Variants in MAP2K4 observed in about 807,000 individuals in gnomAD.
MAP2K4 encodes the protein dual specificity mitogen-activated protein kinase kinase 4.
A neutral mutation model predicts 48.5 loss-of-function variants in MAP2K4; 4 were observed. The observed-to-expected ratio is 0.08, with a 90% CI of 0.04 to 0.19. The LOEUF is 0.19. MAP2K4 is among the 10% of genes least tolerant of loss of function. The probability of loss-of-function intolerance (pLI) is 1.00; values close to 1 mark genes in which losing one functional copy is unlikely to be tolerated. For missense variants in MAP2K4, 258 were observed against 493.3 expected (o/e 0.52, Z 4.52); for synonymous variants, 166 against 173.1 (o/e 0.96, Z 0.32).
chr17:12,044,262 G>A (rs1969888251), intron 1 of MAP2K4, among the ~76,000 whole-genome samples: 1 of 152,156 alleles, frequency 6.6e-6, no homozygotes, highest in Admixed American at 6.5e-5. Flanking sequence ...TCCCATAATG[G>A]GTTGTCTACT....
At chr17:12,069,898 T>C in intron 2 of MAP2K4, 1 of 3,780 alleles carries the variant, frequency 2.6e-4, no homozygotes, top group Non-Finnish European at 4.2e-4. Flanking sequence ...GTCATATATA[T>C]ATATATATAT....
chr17:12,105,876 CT>C (rs1972093488), intron 4 of MAP2K4, among the ~76,000 whole-genome samples: 1 of 152,076 alleles, frequency 6.6e-6, no homozygotes. Context: ...CCATCTTTCT[CT>C]TTTATTTGCC....
chr17:12,113,403 CAG>C, intron 7 of MAP2K4, 43 bp downstream of exon 7: 1 of 1,600,954 alleles, frequency 6.2e-7, no homozygotes, highest in Non-Finnish European at 8.5e-7. Context: ...AGTCATTGCA[CAG>C]AGAGCCTGTG....
chr17:12,137,051 G>A (rs1048982987), intron 9 of MAP2K4, among the ~76,000 whole-genome samples: 4 of 152,176 alleles, frequency 2.6e-5, no homozygotes, highest in Non-Finnish European at 5.9e-5. Flanking sequence ...CAACATAGGA[G>A]TGGAACTTGA....
chr17:12,125,155 A>G (rs560859608), intron 7 of MAP2K4, 139 bp from the exon 8 acceptor site: 4 of 656,074 alleles, frequency 6.1e-6, no homozygotes, highest in East Asian at 2.6e-5. Flanking sequence ...ATGACTTCCT[A>G]TTACTTCCAT....
chr17:12,073,666 C>T (rs1467445467), intron 2 of MAP2K4, among the ~76,000 whole-genome samples: 4 of 151,908 alleles, frequency 2.6e-5, no homozygotes, highest in African/African-American at 9.7e-5. Context: ...ATATTTAAAG[C>T]GTATAATTTG....
rs28923183 is a variant in MAP2K4, at chr17:12,082,226, G to A, written c.393+696G>A. On this transcript the variant is annotated intron_variant, in intron 3 of 10. Coordinates refer to ENST00000353533, the MANE Select transcript of MAP2K4 (RefSeq NM_003010.4). ...ATGCTGGTACCTGTAAAGAACTGGT[G>A]GTTTCCATCTGACTCCTAGTTTCAT... Among the ~76,000 whole-genome samples, 861 of 151,792 alleles carry A rather than the reference G, an allele frequency of 5.7e-3. 10 individuals carry two copies. Among genetic ancestry groups the A allele is most frequent in the African/African-American group, 0.02 (818 of 41,386 alleles).
At chr17:12,073,119 T>A (rs1025282890) in intron 2 of MAP2K4, among the ~76,000 whole-genome samples, 5 of 152,178 alleles carry the variant, frequency 3.3e-5, no homozygotes, top group East Asian at 1.9e-4. Context: ...CCCTATAGGA[T>A]CTGATAATGG....
At chr17:12,089,601 T>G (rs1162992494) in intron 3 of MAP2K4, among the ~76,000 whole-genome samples, 3 of 152,242 alleles carry the variant, frequency 2.0e-5, no homozygotes, top group South Asian at 2.1e-4. Context: ...CTCTACCTAT[T>G]CCTAACTTCT....
intron 2 of MAP2K4, among the ~76,000 whole-genome samples, chr17:12,072,085 A>G (rs575798170): frequency 2.6e-5 from 4 of 152,346 alleles, no homozygotes; most frequent in African/African-American, 7.2e-5. Flanking sequence ...TATATTGCCT[A>G]TATTCTCACC....
intron 1 of MAP2K4, chr17:12,036,719 T>C (rs867105184): frequency 2.7e-5 from 4 of 148,896 alleles, no homozygotes; most frequent in African/African-American, 9.8e-5. Flanking sequence ...TTTTTTTTTT[T>C]CAGATGAGAA....
intron 2 of MAP2K4, among the ~76,000 whole-genome samples, chr17:12,076,922 G>GT (rs1272204603): frequency 1.3e-5 from 2 of 151,988 alleles, no homozygotes; most frequent in Non-Finnish European, 2.9e-5. Context: ...TTATTCATGT[G>GT]TTTTTTGCAG....
At chr17:12,113,119 A>T (rs1972361960) in intron 6 of MAP2K4, 114 bp from the exon 7 acceptor site, 2 of 788,594 alleles carry the variant, frequency 2.5e-6, no homozygotes, top group Non-Finnish European at 2.0e-6. Context: ...ATCTGAATTT[A>T]AGGACTTGAC....
intron 4 of MAP2K4, among the ~76,000 whole-genome samples, chr17:12,101,374 C>T (rs1021914582): frequency 1.7e-4 from 26 of 151,960 alleles, no homozygotes; most frequent in African/African-American, 5.8e-4. Flanking sequence ...TCTGTCTTTG[C>T]ACTGATCTCA....
chr17:12,115,810 T>C (rs1972471737), intron 7 of MAP2K4: 5 of 728,352 alleles, frequency 6.9e-6, no homozygotes, highest in Middle Eastern at 7.0e-4. Flanking sequence ...GGGACAGCTC[T>C]GCTGACAGGA....
At position 12,021,198 on chromosome 17, in the gene MAP2K4, T is replaced by C. The variant is rs1167611832; in HGVS notation, c.115+197T>C. On this transcript the variant is annotated intron_variant, in intron 1 of 10. Coordinates refer to ENST00000353533, the MANE Select transcript of MAP2K4 (RefSeq NM_003010.4). ...GCTTGGATCCGGGCTCCGGCCCGCA[T>C]AGGCCCCGGCCGCGGCCTCTGCCTG... 12 of 332,952 alleles carry C rather than the reference T, an allele frequency of 3.6e-5. No individual in the cohort carries two copies. The South Asian group carries it at 1.9e-3, about 51-fold the overall frequency. The allele number at this position is 332,952 out of a possible 1,614,324, so 20.6% of individuals were successfully genotyped here. A position where few individuals can be genotyped will look rare whatever the true frequency, so the allele number is the denominator to read the frequency against.
chr17:12,091,670 G>A (rs1487713931), intron 3 of MAP2K4, among the ~76,000 whole-genome samples: 1 of 152,072 alleles, frequency 6.6e-6, no homozygotes, highest in African/African-American at 2.4e-5. Flanking sequence ...CTCAATTGGA[G>A]TGATGTTGGC....
intron 7 of MAP2K4, chr17:12,124,950 C>T (rs1326852924): frequency 1.6e-5 from 4 of 246,686 alleles, no homozygotes; most frequent in African/African-American, 4.4e-5. Context: ...GCTGGGATTA[C>T]GGGCGTGCGC....
intron 9 of MAP2K4, 38 bp from the exon 10 acceptor site, chr17:12,139,801 A>T (rs1199590646): frequency 7.2e-7 from 1 of 1,396,390 alleles, no homozygotes; most frequent in Admixed American, 1.8e-5. Context: ...AGGCAAATGA[A>T]TCTACATTTT....
Sources: gnomAD v4.1 joint callset for allele counts (sites outside exome capture counted in the v4.1 genomes callset) on GRCh38, gnomAD v4.1.1 for gene constraint, MANE v1.5 for transcripts, NCBI Gene and HGNC (gene_info 2026-07-23, HGNC 2026-07-21) for gene names.